Variants in MPDZ observed in about 807,000 individuals in gnomAD.
MPDZ encodes multiple PDZ domain protein.
A neutral mutation model predicts 239.1 loss-of-function variants in MPDZ; 234 were observed. The observed-to-expected ratio is 0.98, with a 90% confidence interval of 0.88 to 1.09. MPDZ has a LOEUF of 1.09. MPDZ is among the 50% of genes least tolerant of loss of function. The pLI is 0.00. For synonymous variants in MPDZ, 1,048 were observed against 881.3 expected (o/e 1.19, Z -3.35); for missense variants, 3,175 against 2,510.0 (o/e 1.26, Z -5.66).
chr9:13,247,824 TCAATAA>T lies in MPDZ; in HGVS notation c.17-29_17-24del. 1.9e-6 allele frequency: 3 copies of T among 1,575,464 alleles called. No homozygotes were observed. The South Asian group carries it at 3.4e-5, about 18-fold the overall frequency. ...TGTCTATACCAAAGAGCAGCATTTG[TCAATAA>T]CAGGATTCAAAGGACACATGTCCAG... On this transcript the variant is annotated intron_variant, in intron 2 of 46. Transcript: ENST00000319217.
intron 10 of MPDZ, among the ~76,000 whole-genome samples, chr9:13,209,511 A>T (rs534590215): frequency 5.9e-5 from 9 of 152,302 alleles, no homozygotes; most frequent in Middle Eastern, 6.8e-3. Context: ...TCTGCAGCAG[A>T]ACCCATCTCA....
chr9:13,107,735 T>A (rs1941725134), intron 46 of MPDZ, among the ~76,000 whole-genome samples: 1 of 152,258 alleles, frequency 6.6e-6, no homozygotes, highest in East Asian at 1.9e-4. Flanking sequence ...CCCTAAATGA[T>A]TAAGATTAAA....
intron 3 of MPDZ, among the ~76,000 whole-genome samples, chr9:13,245,505 C>T (rs919484007): frequency 1.3e-5 from 2 of 151,726 alleles, no homozygotes; most frequent in Admixed American, 1.3e-4. Context: ...GTCACTTAAC[C>T]TCTCTAAGCC....
chr9:13,125,107 A>C (rs533323073), intron 35 of MPDZ, 109 bp downstream of exon 35: 1 of 1,051,212 alleles, frequency 9.5e-7, no homozygotes, highest in Admixed American at 2.4e-5. Context: ...CCTGACTACA[A>C]CCTTCCAAAC....
At chr9:13,179,538 T>C (rs933255204) in intron 19 of MPDZ, among the ~76,000 whole-genome samples, 1 of 152,146 alleles carries the variant, frequency 6.6e-6, no homozygotes, top group African/African-American at 2.4e-5. Flanking sequence ...GAAACGTTTC[T>C]GGTTGCTCAA....
At position 13,227,281 on chromosome 9, in the gene MPDZ, A is replaced by G. The variant is rs536667511; in HGVS notation, c.184-2698T>C. 6.4e-4 allele frequency among the ~76,000 whole-genome samples: 97 copies of G among 152,266 alleles called. 2 individuals carry two copies. The highest frequency in any genetic ancestry group is 1.2e-3 in the Non-Finnish European group (84 of 68,012). ...AAAGAGATCAATGTGTTGAGAAGAG[A>G]CTTTTGGGAATCCTTTTAAATGTTT... On this transcript the variant is annotated intron_variant, in intron 3 of 46. Transcript: ENST00000319217.
chr9:13,279,491 C>G lies in MPDZ; in HGVS notation c.-149G>C, dbSNP rs1975195474. ...GGGGCCTCTGGATGCCTCGCCTCGC[C>G]CACGCTCACTGTCTTCTCTTCTGAA... On this transcript the variant is annotated 5_prime_UTR_variant, in exon 1 of 47. Transcript: ENST00000319217. The G allele has an allele frequency of 6.8e-6, 1 of 147,876 alleles. No individual in the cohort carries two copies. Among genetic ancestry groups the G allele is most frequent in the African/African-American group, 2.4e-5 (1 of 40,848 alleles). 9.2% of individuals were successfully genotyped at this position (147,876 alleles called of 1,614,324 possible).
chr9:13,279,272 C>T (rs1975066746), intron 1 of MPDZ, 128 bp downstream of exon 1: 1 of 132,268 alleles, frequency 7.6e-6, no homozygotes, highest in Non-Finnish European at 1.7e-5. Context: ...CACCCCCACC[C>T]CCATCCCCGC....
At position 13,115,290 on chromosome 9, in the gene MPDZ, A is replaced by C. The variant is rs1943219629; in HGVS notation, c.5424T>G (p.Ala1808=). 6.2e-7 allele frequency: 1 copy of C among 1,612,632 alleles called. No individual in the cohort carries two copies. Among genetic ancestry groups the C allele is most frequent in the Admixed American group, 1.7e-5 (1 of 59,996 alleles). ...GCCTCCTCTCTGAATGGAATGGACC[A>C]GCTTTGATTCTTCCAACTTCCAAGG... ...TVTLEVGRIK[A]GPFHSERRPS... Residue 1808 remains alanine, a synonymous_variant, in exon 40 of 47, where the codon GCT becomes GCG. Transcript: ENST00000319217.
At chr9:13,232,847 T>A (rs1962892539) in intron 3 of MPDZ, among the ~76,000 whole-genome samples, 2 of 73,836 alleles carry the variant, frequency 2.7e-5, no homozygotes, top group African/African-American at 5.4e-5. Context: ...GACTGAAAAA[T>A]CAATAGAAAA....
chr9:13,119,606 T>C lies in MPDZ; in HGVS notation c.5275A>G (p.Ile1759Val). ...VFVSDIVKGG[I>V]ADADGRLMQG... is the part of the protein sequence containing the mutation. ...ATCAGTCTTCCATCGGCATCTGCAA[T>C]TCCTCCTTTGACAATGTCTGACACA... Residue 1759 changes from isoleucine to valine, a missense_variant, in exon 39 of 47, where the codon ATT becomes GTT. Ile to Val is a conservative substitution (Grantham distance 29, BLOSUM62 3). Coordinates refer to ENST00000319217, the MANE Select transcript of MPDZ (RefSeq NM_001378778.1). 6 of 1,614,000 alleles carry C rather than the reference T, an allele frequency of 3.7e-6. No homozygotes were observed. The highest frequency in any genetic ancestry group is 1.1e-5 in the South Asian group (1 of 91,086).
At chr9:13,162,298 A>G (rs771286956) in intron 23 of MPDZ, among the ~76,000 whole-genome samples, 2 of 151,744 alleles carry the variant, frequency 1.3e-5, no homozygotes, top group Non-Finnish European at 2.9e-5. Context: ...CTGAATTTGT[A>G]TGCATGTTAA....
chr9:13,251,797 C>G (rs1968103879), intron 1 of MPDZ, among the ~76,000 whole-genome samples: 1 of 152,188 alleles, frequency 6.6e-6, no homozygotes. Flanking sequence ...GTAGAATATA[C>G]TATTTGAAAC....
At chr9:13,192,433 G>A (rs1955064919) in intron 14 of MPDZ, 138 bp from the exon 15 acceptor site, 1 of 673,334 alleles carries the variant, frequency 1.5e-6, no homozygotes. Flanking sequence ...AGTGAGACCT[G>A]TGGAAATACT....
chr9:13,172,772 T>C (rs1951963094), intron 21 of MPDZ, among the ~76,000 whole-genome samples: 1 of 152,172 alleles, frequency 6.6e-6, no homozygotes, highest in African/African-American at 2.4e-5. Context: ...TTTAAATGGG[T>C]TTCTAGATGT....
chr9:13,243,970 C>G lies in MPDZ; in HGVS notation c.183+3665G>C, dbSNP rs576807497. Among the ~76,000 whole-genome samples, 32 of 152,282 alleles carry G rather than the reference C, an allele frequency of 2.1e-4. No homozygotes were observed. In the South Asian group the frequency reaches 5.6e-3, roughly 27 times the overall value. On this transcript the variant is annotated intron_variant, in intron 3 of 46. Transcript: ENST00000319217. ...TTTGCCATCTAAGCAGCTTTTGCAG[C>G]CTGAGTCATCTACATTATTTCTCCA...
chr9:13,112,997 T>C lies in MPDZ; in HGVS notation c.5601+14A>G. On this transcript the variant is annotated intron_variant, in intron 42 of 46. Transcript: ENST00000319217. ...AAACGCCAGGGTTTATATTGTTTTC[T>C]CTCCCCAAGTTACCTTTTTCATTTC... 2.4e-5 allele frequency: 38 copies of C among 1,578,434 alleles called. No individual in the cohort carries two copies. Among genetic ancestry groups the C allele is most frequent in the Non-Finnish European group, 3.3e-5 (38 of 1,159,262 alleles).
chr9:13,236,114 G>A (rs76081194), intron 3 of MPDZ, among the ~76,000 whole-genome samples: 3 of 148,516 alleles, frequency 2.0e-5, no homozygotes, highest in African/African-American at 7.4e-5. Flanking sequence ...TTAAAACTAC[G>A]TAATAAGAGA....
In MPDZ at chr9:13,119,639, C is replaced by A. The variant is rs763785624; in HGVS notation, c.5242G>T (p.Gly1748Ter). The A allele has an allele frequency of 6.2e-7, 1 of 1,613,932 alleles. No homozygotes were observed. The highest frequency in any genetic ancestry group is 1.1e-5 in the South Asian group (1 of 91,078). Residue 1748 changes from glycine (G) to a stop codon, truncating the protein, a stop_gained, in exon 39 of 47, where the codon GGA becomes TGA. Coordinates refer to ENST00000319217, the MANE Select transcript of MPDZ (RefSeq NM_001378778.1). LOFTEE classifies it high-confidence loss of function. ...TTGACAATGTCTGACACAAATACTC[C>A]AGTATCGTTTCTACACACAATTTTG... ...LSIVGKRNDTGVFVSDIVKGG... is the reference protein window; with the variant it reads ...LSIVGKRNDT
Sources: gnomAD v4.1 joint callset for allele counts (sites outside exome capture counted in the v4.1 genomes callset) on GRCh38, gnomAD v4.1.1 for gene constraint, MANE v1.5 for transcripts, NCBI Gene and HGNC (gene_info 2026-07-23, HGNC 2026-07-21) for gene names.